Variants in MTCL1 observed in about 807,000 individuals in gnomAD.
The protein encoded by MTCL1 is microtubule cross-linking factor 1.
In MTCL1, 79 loss-of-function variants were observed where a neutral mutation model predicts 141.4. The ratio of observed to expected loss-of-function variants is 0.56; its 90% CI spans 0.47 to 0.67. MTCL1 has a LOEUF of 0.67. Ranked by LOEUF, MTCL1 falls within the 30% of genes least tolerant of loss-of-function variation. MTCL1 has a pLI of 0.00. For synonymous variants in MTCL1, 914 were observed against 875.8 expected (o/e 1.04, Z -0.77); for missense variants, 2,177 against 2,113.9 (o/e 1.03, Z -0.59).
At chr18:8,750,586 A>G (rs1381920000) in intron 4 of MTCL1, among the ~76,000 whole-genome samples, 1 of 152,184 alleles carries the variant, frequency 6.6e-6, no homozygotes, top group Non-Finnish European at 1.5e-5. Context: ...GATGGAGGGC[A>G]GGGAGGAGGT....
intron 4 of MTCL1, among the ~76,000 whole-genome samples, chr18:8,723,640 C>T (rs1409439131): frequency 6.6e-6 from 1 of 152,192 alleles, no homozygotes; most frequent in Non-Finnish European, 1.5e-5. Flanking sequence ...TTTCCTAGCA[C>T]TTTAGACTCT....
At chr18:8,758,056 C>T (rs1411783886) in intron 4 of MTCL1, among the ~76,000 whole-genome samples, 1 of 141,578 alleles carries the variant, frequency 7.1e-6, no homozygotes, top group Non-Finnish European at 1.5e-5. Flanking sequence ...GAGTTTCACT[C>T]TTGTTGCCCG....
chr18:8,778,761 G>A (rs191388967), intron 5 of MTCL1, among the ~76,000 whole-genome samples: 1 of 152,346 alleles, frequency 6.6e-6, no homozygotes, highest in East Asian at 1.9e-4. Flanking sequence ...GGAAATTAAA[G>A]TCTGCCATCC....
intron 13 of MTCL1, 140 bp downstream of exon 12, chr18:8,819,399 G>T (rs781659333): frequency 7.2e-6 from 6 of 834,186 alleles, no homozygotes; most frequent in Non-Finnish European, 1.1e-5. Context: ...GAGTAAAAAT[G>T]AAATCTTCAC....
intron 7 of MTCL1, among the ~76,000 whole-genome samples, chr18:8,788,776 C>T (rs1198237052): frequency 1.3e-5 from 2 of 152,206 alleles, no homozygotes; most frequent in Admixed American, 1.3e-4. Context: ...CCAGAGCAAA[C>T]TGAAGTCAGA....
Position 8,784,083 on chromosome 18 carries a change from C to G in MTCL1, c.971C>G (p.Ala324Gly), listed in dbSNP as rs996577116. The G allele has an allele frequency of 8.7e-6, 14 of 1,613,248 alleles. No individual in the cohort carries two copies. The African/African-American group carries it at 1.2e-4, about 14-fold the overall frequency. Residue 324 changes from alanine (A) to glycine (G), a missense_variant, in exon 6 of 17, where the codon GCA becomes GGA. Ala to Gly is a moderately conservative substitution (Grantham distance 60). Coordinates refer to ENST00000359865, the Ensembl canonical transcript of MTCL1. ...GAGCCGGGCTGGCTAGGAGAGGGTG[C>G]AAGTCCTGGTGCCGGGGGTGGGGCC...
intron 4 of MTCL1, among the ~76,000 whole-genome samples, chr18:8,737,322 A>T (rs2096279514): frequency 6.6e-6 from 1 of 152,214 alleles, no homozygotes; most frequent in African/African-American, 2.4e-5. Context: ...AGAGACAGGG[A>T]AGTTTAAAGA....
At chr18:8,760,187 C>T (rs564818649) in intron 4 of MTCL1, among the ~76,000 whole-genome samples, 1 of 152,278 alleles carries the variant, frequency 6.6e-6, no homozygotes, top group South Asian at 2.1e-4. Context: ...TCCAACCTGC[C>T]TCCTTGTAAG....
At position 8,806,889 on chromosome 18, in the gene MTCL1, G is replaced by C; in HGVS notation, c.2437-4G>C. The C allele has an allele frequency of 1.2e-6, 2 of 1,612,250 alleles. No individual in the cohort carries two copies. The highest frequency in any genetic ancestry group is 1.7e-6 in the Non-Finnish European group (2 of 1,179,506). On this transcript the variant is annotated splice_region_variant and splice_polypyrimidine_tract_variant and intron_variant, in intron 10 of 16. Transcript: ENST00000359865. The stretch of plus-strand genomic sequence containing the variant: ...TGGTGGAGCCTGACTCAGTGTTCCC[G>C]CAGGTGGTGGAAAACCAGCAGCTGT...
At chr18:8,817,945 G>A (rs377136612) in intron 12 of MTCL1, among the ~76,000 whole-genome samples, 15 of 152,218 alleles carry the variant, frequency 9.9e-5, no homozygotes, top group African/African-American at 3.4e-4. Flanking sequence ...GTGGAAGCTG[G>A]TGAGGGCTCC....
intron 16 of MTCL1, chr18:8,829,939 T>C: frequency 1.0e-6 from 1 of 985,330 alleles, no homozygotes; most frequent in South Asian, 4.7e-5. Context: ...GAGGGGGTAC[T>C]GAATGGTCTC....
chr18:8,750,036 G>C (rs1303927446), intron 4 of MTCL1, among the ~76,000 whole-genome samples: 3 of 152,116 alleles, frequency 2.0e-5, no homozygotes, highest in African/African-American at 7.2e-5. Flanking sequence ...TTTTATATTT[G>C]TTTTTATTTT....
At chr18:8,773,856 C>T (rs139875208) in intron 4 of MTCL1, among the ~76,000 whole-genome samples, 76 of 152,260 alleles carry the variant, frequency 5.0e-4, no homozygotes, top group Middle Eastern at 6.8e-3. Context: ...TCTGAGCCTT[C>T]TATTTAGTTT....
intron 13 of MTCL1, among the ~76,000 whole-genome samples, chr18:8,821,171 G>A (rs1254593750): frequency 6.6e-6 from 1 of 152,172 alleles, no homozygotes; most frequent in Non-Finnish European, 1.5e-5. Context: ...GGTCCTTTGA[G>A]GAAGCACAGA....
exon 15 of MTCL1, chr18:8,825,152 T>A: frequency 6.3e-7 from 1 of 1,582,854 alleles, no homozygotes; most frequent in Non-Finnish European, 8.6e-7. Flanking sequence ...AGGGTCCCTT[T>A]CCCACAAGCA....
intron 4 of MTCL1, among the ~76,000 whole-genome samples, chr18:8,774,997 A>G (rs769462773): frequency 4.2e-4 from 63 of 151,704 alleles, no homozygotes; most frequent in Non-Finnish European, 7.5e-4. Context: ...GAGTCCATCC[A>G]AGGGCTCCCA....
exon 1 of MTCL1, chr18:8,706,187 C>G (rs111368090): frequency 8.2e-7 from 1 of 1,224,712 alleles, no homozygotes; most frequent in African/African-American, 1.6e-5. Context: ...ACCGTCGGCC[C>G]CCCGACCCCG....
chr18:8,731,293 G>T (rs757069682), intron 4 of MTCL1, among the ~76,000 whole-genome samples: 2 of 151,652 alleles, frequency 1.3e-5, no homozygotes, highest in Non-Finnish European at 2.9e-5. Context: ...ATTAAAATAG[G>T]CTGGGCACGA....
At chr18:8,763,401 A>AT (rs1294722482) in intron 4 of MTCL1, among the ~76,000 whole-genome samples, 1 of 152,008 alleles carries the variant, frequency 6.6e-6, no homozygotes, top group East Asian at 1.9e-4. Context: ...GTCTCTCCTC[A>AT]TTTTTTCCAA....
Sources: allele counts gnomAD v4.1 joint callset (sites outside exome capture counted in the v4.1 genomes callset), GRCh38; gene constraint gnomAD v4.1.1; transcripts MANE v1.5; gene names NCBI Gene and HGNC (gene_info 2026-07-23, HGNC 2026-07-21).